Variants in PPP4R1 observed in about 807,000 individuals in gnomAD.
PPP4R1 encodes the protein serine/threonine-protein phosphatase 4 regulatory subunit 1.
Under a neutral mutation model 111.2 loss-of-function variants are expected in PPP4R1, and 42 were observed. The ratio of observed to expected loss-of-function variants is 0.38; its 90% CI spans 0.29 to 0.49. The LOEUF (loss-of-function observed/expected upper bound fraction) is 0.49, where lower values mean the gene tolerates loss of function less well. Ranked by LOEUF, PPP4R1 falls within the 20% of genes least tolerant of loss-of-function variation. PPP4R1 has a pLI of 0.97. For synonymous variants in PPP4R1, 409 were observed against 405.5 expected (o/e 1.01, Z -0.10); for missense variants, 1,012 against 1,161.6 (o/e 0.87, Z 1.87).
At chr18:9,578,573 T>A (rs1304958069) in intron 9 of PPP4R1, among the ~76,000 whole-genome samples, 6 of 150,606 alleles carry the variant, frequency 4.0e-5, no homozygotes. Flanking sequence ...AAAAAAAGCA[T>A]AATAATACCT....
chr18:9,593,976 G>T, intron 3 of PPP4R1, 102 bp from the exon 4 acceptor site: 1 of 855,686 alleles, frequency 1.2e-6, no homozygotes, highest in Non-Finnish European at 1.9e-6. Flanking sequence ...TGCCCAGGCC[G>T]GAGTGTAATG....
intron 18 of PPP4R1, 106 bp downstream of exon 18, chr18:9,549,944 TTC>T: frequency 6.7e-7 from 1 of 1,483,706 alleles, no homozygotes; most frequent in Non-Finnish European, 9.2e-7. Context: ...TACTATAAGG[TTC>T]TGTTCCTTAA....
rs561930159 is a variant in PPP4R1, at chr18:9,574,386, T to C, written c.1046+2678A>G. ...ATCTGGCTAAAGAGGTATTGTATCCTGAGATAAAAGCAAACACGCTCCAGG... is the reference window on the plus strand; with the variant it reads ...ATCTGGCTAAAGAGGTATTGTATCCCGAGATAAAAGCAAACACGCTCCAGG... On this transcript the variant is annotated intron_variant, in intron 10 of 19. Coordinates refer to ENST00000400556, the MANE Select transcript of PPP4R1 (RefSeq NM_001042388.3). Among the ~76,000 whole-genome samples the C allele has an allele frequency of 3.3e-5, 5 of 152,340 alleles. No homozygotes were observed. The South Asian group carries it at 1.0e-3, about 32-fold the overall frequency.
chr18:9,573,223 G>T lies in PPP4R1; in HGVS notation c.1047-2540C>A, dbSNP rs182792100. The stretch of plus-strand genomic sequence containing the variant: ...GGGCCAATTGGTAAAATTCAATAAA[G>T]GCTAGATTAGCTAACAGTATTGTAT... On this transcript the variant is annotated intron_variant, in intron 10 of 19. Transcript: ENST00000400556. Among the ~76,000 whole-genome samples, 3 of 152,194 alleles carry T rather than the reference G, an allele frequency of 2.0e-5. No individual in the cohort carries two copies. In the East Asian group the frequency reaches 5.8e-4, roughly 29 times the overall value.
chr18:9,594,868 C>G, intron 3 of PPP4R1, 150 bp downstream of exon 3: 1 of 879,800 alleles, frequency 1.1e-6, no homozygotes, highest in Non-Finnish European at 1.6e-6. Flanking sequence ...AAGTACAAAA[C>G]TGCTCATGCT....
intron 15 of PPP4R1, among the ~76,000 whole-genome samples, chr18:9,554,942 A>G (rs2066547375): frequency 6.6e-6 from 1 of 152,226 alleles, no homozygotes; most frequent in African/African-American, 2.4e-5. Context: ...ATACTAAAAT[A>G]ACTTTCGAAA....
intron 15 of PPP4R1, 152 bp downstream of exon 15, chr18:9,557,069 T>A: frequency 3.1e-6 from 2 of 643,804 alleles, no homozygotes; most frequent in Non-Finnish European, 2.5e-6. Context: ...TATGGGACCA[T>A]TTCTTTTTTA....
chr18:9,560,848 C>T (rs189971545), intron 13 of PPP4R1, among the ~76,000 whole-genome samples: 10 of 147,226 alleles, frequency 6.8e-5, no homozygotes, highest in South Asian at 2.2e-4. Context: ...GGTGACAGAG[C>T]GGAGACCCCA....
In PPP4R1 at chr18:9,568,317, A is replaced by G. The variant is rs181325849; in HGVS notation, c.1573+1840T>C. Among the ~76,000 whole-genome samples the G allele has an allele frequency of 3.3e-5, 5 of 152,148 alleles. No individual in the cohort carries two copies. In the East Asian group the frequency reaches 7.7e-4, roughly 24 times the overall value. On this transcript the variant is annotated intron_variant, in intron 11 of 19. Transcript: ENST00000400556. ...TGAGATTACAGGTGCAAGCCACTGC[A>G]CCTGTGGTTTTATGCACTGGAAAAC...
chr18:9,553,505 A>T, intron 15 of PPP4R1, 83 bp from the exon 16 acceptor site: 1 of 839,506 alleles, frequency 1.2e-6, no homozygotes, highest in East Asian at 2.6e-5. Flanking sequence ...ACAGACTGTA[A>T]GCAATATGGT....
At chr18:9,582,268 C>T (rs1484339550) in intron 9 of PPP4R1, among the ~76,000 whole-genome samples, 1 of 151,886 alleles carries the variant, frequency 6.6e-6, no homozygotes, top group East Asian at 1.9e-4. Flanking sequence ...AAAAGATCAA[C>T]GAAGCTGACA....
At chr18:9,554,519 G>A (rs1263080040) in intron 15 of PPP4R1, among the ~76,000 whole-genome samples, 2 of 151,942 alleles carry the variant, frequency 1.3e-5, no homozygotes, top group South Asian at 2.1e-4. Context: ...AGAGAAAACG[G>A]TATTGAATTG....
At chr18:9,590,846 C>G (rs1393237294) in intron 4 of PPP4R1, among the ~76,000 whole-genome samples, 2 of 152,092 alleles carry the variant, frequency 1.3e-5, no homozygotes, top group Non-Finnish European at 2.9e-5. Flanking sequence ...TGGAAAAAAT[C>G]TCAAAGAAGA....
chr18:9,612,123 G>C (rs989883197), intron 2 of PPP4R1, among the ~76,000 whole-genome samples: 7 of 152,124 alleles, frequency 4.6e-5, no homozygotes, highest in Admixed American at 6.5e-5. Flanking sequence ...AGCTTCCCTT[G>C]CTCTTTTCTC....
intron 4 of PPP4R1, among the ~76,000 whole-genome samples, chr18:9,590,464 T>C (rs541503234): frequency 1.3e-4 from 20 of 152,214 alleles, no homozygotes; most frequent in Non-Finnish European, 1.3e-4. Flanking sequence ...ACACTGACAA[T>C]TGCTTATATT....
chr18:9,547,648 A>T lies in PPP4R1; in HGVS notation c.*141T>A. On this transcript the variant is annotated 3_prime_UTR_variant, in exon 20 of 20. Coordinates refer to ENST00000400556, the MANE Select transcript of PPP4R1 (RefSeq NM_001042388.3). Reference sequence around the variant, plus strand: ...TCTTGAAATCCCTGGTATTGGGTGTAGGCAACTTGCACCTGCAATGAAGTC... The same window carrying T: ...TCTTGAAATCCCTGGTATTGGGTGTTGGCAACTTGCACCTGCAATGAAGTC... 1.1e-6 allele frequency: 1 copy of T among 940,874 alleles called. No individual in the cohort carries two copies. The highest frequency in any genetic ancestry group is 1.6e-6 in the Non-Finnish European group (1 of 618,344). 58.3% of individuals were successfully genotyped at this position (940,874 alleles called of 1,614,324 possible).
At chr18:9,561,936 A>C in intron 13 of PPP4R1, 44 bp downstream of exon 13, 1 of 1,496,374 alleles carries the variant, frequency 6.7e-7, no homozygotes, top group Non-Finnish European at 9.3e-7. Flanking sequence ...TAAAAGAGGA[A>C]TTAGGAACAC....
At position 9,576,657 on chromosome 18, in the gene PPP4R1, TTAAG is replaced by T. The variant is rs1386318641; in HGVS notation, c.1046+403_1046+406del. Among the ~76,000 whole-genome samples, 4 of 152,276 alleles carry T rather than the reference TTAAG, an allele frequency of 2.6e-5. No individual in the cohort carries two copies. The East Asian group carries it at 7.7e-4, about 29-fold the overall frequency. ...AAGGACAATAAAACATATTCCTAAA[TTAAG>T]TTTTACTCCTTAAAAACAAATTTAA... On this transcript the variant is annotated intron_variant, in intron 10 of 19. Transcript: ENST00000400556.
At chr18:9,611,065 C>T (rs2067571445) in intron 2 of PPP4R1, among the ~76,000 whole-genome samples, 1 of 152,196 alleles carries the variant, frequency 6.6e-6, no homozygotes, top group Non-Finnish European at 1.5e-5. Flanking sequence ...CAATGCCCCT[C>T]TTTCAAGTCC....
Sources: gnomAD v4.1 joint callset for allele counts (sites outside exome capture counted in the v4.1 genomes callset) on GRCh38, gnomAD v4.1.1 for gene constraint, MANE v1.5 for transcripts, NCBI Gene and HGNC (gene_info 2026-07-23, HGNC 2026-07-21) for gene names.